The following USH2A variants were observed in gnomAD, a reference collection of about 807,000 sequenced individuals.
USH2A encodes the protein Usher syndrome 2A (autosomal recessive, mild).
Under a neutral mutation model 538.9 loss-of-function variants are expected in USH2A, and 443 were observed. That is an observed-to-expected ratio of 0.82 (90% CI 0.76 to 0.89). USH2A has a LOEUF of 0.89. USH2A is among the 40% of genes least tolerant of loss of function. The pLI is 0.00. For missense variants in USH2A, 6,633 were observed against 6,324.8 expected (o/e 1.05, Z -1.65); for synonymous variants, 2,413 against 2,273.5 (o/e 1.06, Z -1.75).
intron 3 of USH2A, among the ~76,000 whole-genome samples, chr1:216,386,249 G>A (rs1275674310): frequency 6.6e-6 from 1 of 152,128 alleles, no homozygotes; most frequent in Non-Finnish European, 1.5e-5. Flanking sequence ...TGTAATCCCA[G>A]CACTTTGGGA....
chr1:216,342,833 T>G (rs6695622), intron 4 of USH2A, among the ~76,000 whole-genome samples: 59,588 of 151,570 alleles, frequency 0.39, 13,064 homozygotes, highest in African/African-American at 0.6. Flanking sequence ...ACCAGGGCCT[T>G]TCAGGTGTGG....
In USH2A at chr1:216,120,189, A is replaced by G. The variant is rs573886817; in HGVS notation, c.4628-22976T>C. ...AAAAATAAGTCATTTAAAGTTTAGGACCGCTATTAAAACAGGTCATACTAA... is the reference window on the plus strand; with the variant it reads ...AAAAATAAGTCATTTAAAGTTTAGGGCCGCTATTAAAACAGGTCATACTAA... On this transcript the variant is annotated intron_variant, in intron 21 of 71. Transcript: ENST00000307340. 3.1e-4 allele frequency among the ~76,000 whole-genome samples: 44 copies of G among 141,988 alleles called. 1 individual carries two copies. In the South Asian group the frequency reaches 9.9e-3, roughly 32 times the overall value. The allele number at this position is 141,988 out of a possible 152,430, so 93.1% of individuals were successfully genotyped here.
At chr1:216,286,183 C>T (rs1263230471) in intron 11 of USH2A, among the ~76,000 whole-genome samples, 1 of 152,098 alleles carries the variant, frequency 6.6e-6, no homozygotes, top group Admixed American at 6.6e-5. Context: ...AATTGTAGTT[C>T]CCATAATCCC....
Position 215,952,840 on chromosome 1 carries a change from ATC to A in USH2A, c.7120+12475_7120+12476del, listed in dbSNP as rs202156993. ...TTTTCCTTCATTTCAACTTTGGTGAATCTGACAATTATGTGTCTTGGAGTTGC... is the reference window on the plus strand; with the variant it reads ...TTTTCCTTCATTTCAACTTTGGTGAATGACAATTATGTGTCTTGGAGTTGC... On this transcript the variant is annotated intron_variant, in intron 37 of 71. Transcript: ENST00000307340. Among the ~76,000 whole-genome samples, 1,347 of 152,232 alleles carry A rather than the reference ATC, an allele frequency of 8.8e-3. 11 individuals are homozygous for A. The highest frequency in any genetic ancestry group is 0.023 in the South Asian group (109 of 4,816).
At position 215,626,956 on chromosome 1, in the gene USH2A, A is replaced by G. The variant is rs183711686; in HGVS notation, c.15520-1086T>C. Among the ~76,000 whole-genome samples, 331 of 152,348 alleles carry G rather than the reference A, an allele frequency of 2.2e-3. 1 individual carries two copies. Among genetic ancestry groups the G allele is most frequent in the African/African-American group, 7.6e-3 (315 of 41,584 alleles). On this transcript the variant is annotated intron_variant, in intron 71 of 71. Transcript: ENST00000307340. ...GTTAGCAATTCATTGTTTCAACCAA[A>G]TATAATTATCCCTGCCTTTTAAAAA... is the stretch of plus-strand genomic sequence containing the variant.
chr1:216,153,727 C>A (rs2033885929), intron 21 of USH2A, among the ~76,000 whole-genome samples: 1 of 151,888 alleles, frequency 6.6e-6, no homozygotes, highest in African/African-American at 2.4e-5. Context: ...GGGAAAAAAA[C>A]CCTCAAAATA....
At chr1:216,030,498 A>C (rs1669092383) in intron 32 of USH2A, among the ~76,000 whole-genome samples, 1 of 142,514 alleles carries the variant, frequency 7.0e-6, no homozygotes, top group Non-Finnish European at 1.5e-5. Flanking sequence ...TATATATCAC[A>C]GATATATAAA....
intron 32 of USH2A, among the ~76,000 whole-genome samples, chr1:216,009,203 C>T (rs1668482781): frequency 6.6e-6 from 1 of 152,036 alleles, no homozygotes; most frequent in Non-Finnish European, 1.5e-5. Context: ...CCCCTGAACC[C>T]CTTCCCTCCG....
chr1:216,008,851 C>G (rs1458370777), intron 32 of USH2A, among the ~76,000 whole-genome samples: 1 of 152,084 alleles, frequency 6.6e-6, no homozygotes, highest in Non-Finnish European at 1.5e-5. Flanking sequence ...ATCCGTGGAC[C>G]CAAAACTCTG....
rs1558317549 is a variant in USH2A at position 216,207,420 on chromosome 1, G to C, written c.3169C>G (p.Gln1057Glu). The change falls in exon 16 of 72, where the codon CAA becomes GAA. Residue 1057 changes from glutamine (Q) to glutamate (E), a missense_variant. Coordinates refer to ENST00000307340, the MANE Select transcript of USH2A (RefSeq NM_206933.4). ...TGAACTTGTCCTCTGGGCGGAGGTT[G>C]CTGGAATGGAGCTAAATTACAATGA... ...LLGCSKTPFQ[Q>E]PPPRGQVQSS... The C allele has an allele frequency of 6.2e-7, 1 of 1,613,982 alleles. No homozygotes were observed. Among genetic ancestry groups the C allele is most frequent in the Non-Finnish European group, 8.5e-7 (1 of 1,179,938 alleles).
intron 38 of USH2A, among the ~76,000 whole-genome samples, chr1:215,912,173 T>A (rs949878403): frequency 1.3e-5 from 2 of 151,994 alleles, no homozygotes; most frequent in African/African-American, 4.8e-5. Flanking sequence ...GTTGATTGCA[T>A]CCTTTGCTGT....
At chr1:215,736,971 T>C (rs536192598) in intron 60 of USH2A, among the ~76,000 whole-genome samples, 4 of 152,118 alleles carry the variant, frequency 2.6e-5, no homozygotes, top group Middle Eastern at 3.4e-3. Context: ...CCAGTACTTC[T>C]AGTACTAAGA....
intron 9 of USH2A, among the ~76,000 whole-genome samples, chr1:216,318,564 T>A (rs911261709): frequency 6.6e-6 from 1 of 152,210 alleles, no homozygotes; most frequent in East Asian, 1.9e-4. Context: ...AACAGTCTAT[T>A]GACTTTTTCC....
chr1:215,658,178 G>A (rs551491338), intron 64 of USH2A, among the ~76,000 whole-genome samples: 210 of 151,642 alleles, frequency 1.4e-3, no homozygotes, highest in Non-Finnish European at 5.6e-4. Context: ...CTCGTGATCC[G>A]CCCGCCTTGG....
intron 45 of USH2A, 93 bp from the exon 46 acceptor site, chr1:215,844,589 G>A (rs549168120): frequency 7.4e-7 from 1 of 1,347,248 alleles, no homozygotes; most frequent in South Asian, 1.2e-5. Flanking sequence ...GTTTAGCAAA[G>A]GGTTCCTCGC....
intron 35 of USH2A, among the ~76,000 whole-genome samples, chr1:215,991,697 G>C (rs888620414): frequency 6.6e-6 from 1 of 152,148 alleles, no homozygotes; most frequent in Admixed American, 6.5e-5. Flanking sequence ...AACATTCAAA[G>C]AGCTTTGTAA....
chr1:216,167,241 C>T (rs533557513), intron 21 of USH2A, among the ~76,000 whole-genome samples: 3 of 152,168 alleles, frequency 2.0e-5, no homozygotes, highest in Admixed American at 6.5e-5. Flanking sequence ...CCCCCCACAA[C>T]GCCCCACCAG....
At chr1:215,850,167 A>G (rs1663978419) in intron 44 of USH2A, among the ~76,000 whole-genome samples, 1 of 152,138 alleles carries the variant, frequency 6.6e-6, no homozygotes, top group African/African-American at 2.4e-5. Context: ...ATAATAATAA[A>G]CTGAACATTG....
intron 5 of USH2A, among the ~76,000 whole-genome samples, chr1:216,325,833 T>G (rs1048520821): frequency 6.6e-6 from 1 of 152,170 alleles, no homozygotes; most frequent in Non-Finnish European, 1.5e-5. Flanking sequence ...TTTATTTATA[T>G]CAAGAAGCAT....
Sources: allele counts gnomAD v4.1 joint callset (sites outside exome capture counted in the v4.1 genomes callset), GRCh38; gene constraint gnomAD v4.1.1; transcripts MANE v1.5; gene names NCBI Gene and HGNC (gene_info 2026-07-23, HGNC 2026-07-21).